CSMD1: variants seen among roughly 807,000 people sequenced by gnomAD.
CSMD1 encodes the protein CUB and sushi domain-containing protein 1.
Under a neutral mutation model 417.5 loss-of-function variants are expected in CSMD1, and 213 were observed. That is an observed-to-expected ratio of 0.51 (90% CI 0.46 to 0.57). The LOEUF (loss-of-function observed/expected upper bound fraction) is 0.57. Among genes scored for constraint, CSMD1 ranks in the 20% least tolerant of loss-of-function variants. The pLI, the probability that CSMD1 is intolerant of heterozygous loss-of-function variation, is 0.00. For missense variants in CSMD1, 6,923 were observed against 4,529.7 expected (o/e 1.53, Z -15.17); for synonymous variants, 2,862 against 1,736.8 (o/e 1.65, Z -16.11).
intron 23 of CSMD1, among the ~76,000 whole-genome samples, chr8:3,315,020 G>A (rs1805644155): frequency 6.6e-6 from 1 of 152,116 alleles, no homozygotes. Flanking sequence ...TTGAATCTCT[G>A]ATATATTTTC....
At position 4,481,891 on chromosome 8, in the gene CSMD1, G is replaced by A. The variant is rs1274167179; in HGVS notation, c.303-61826C>T. ...GGAAACTGTAGCACAATGAGATCAAGTAGCTTGATCAAAGTGACTTGAGGT... is the reference window on the plus strand; with the variant it reads ...GGAAACTGTAGCACAATGAGATCAAATAGCTTGATCAAAGTGACTTGAGGT... On this transcript the variant is annotated intron_variant, in intron 2 of 69. Coordinates refer to ENST00000635120, the MANE Select transcript of CSMD1 (RefSeq NM_033225.6). Among the ~76,000 whole-genome samples, 5 of 152,128 alleles carry A rather than the reference G, an allele frequency of 3.3e-5. No homozygotes were observed. The East Asian group carries it at 9.7e-4, about 29-fold the overall frequency.
intron 51 of CSMD1, among the ~76,000 whole-genome samples, chr8:3,025,066 AAAACTGTGTATTGTGTGGTGTTATTCTG>A (rs1809754975): frequency 8.6e-5 from 11 of 127,466 alleles, no homozygotes; most frequent in African/African-American, 2.8e-4. Flanking sequence ...GTGTTATTCT[AAAACTGTGTATTGTGTGGTGTTATTCTG>A]AAACTGTGTA....
At chr8:4,295,545 A>G (rs111612587) in intron 3 of CSMD1, among the ~76,000 whole-genome samples, 1 of 144,972 alleles carries the variant, frequency 6.9e-6, no homozygotes, top group Admixed American at 7.0e-5. Context: ...TTATAAATAT[A>G]TAATCTTAAG....
At chr8:3,851,168 TATG>T (rs763778707) in intron 5 of CSMD1, among the ~76,000 whole-genome samples, 4 of 152,206 alleles carry the variant, frequency 2.6e-5, no homozygotes, top group Non-Finnish European at 4.4e-5. Flanking sequence ...CAGGATATAT[TATG>T]ATATCAGTTT....
At chr8:3,110,965 A>G (rs919755033) in intron 42 of CSMD1, among the ~76,000 whole-genome samples, 4 of 152,228 alleles carry the variant, frequency 2.6e-5, no homozygotes, top group Admixed American at 1.3e-4. Context: ...TATTATTTTA[A>G]TGGCAATTAT....
intron 3 of CSMD1, among the ~76,000 whole-genome samples, chr8:4,085,240 C>A (rs1800358072): frequency 6.6e-6 from 1 of 152,088 alleles, no homozygotes; most frequent in African/African-American, 2.4e-5. Flanking sequence ...GATTTAGGGA[C>A]CCTGACAGAG....
intron 3 of CSMD1, among the ~76,000 whole-genome samples, chr8:4,261,508 T>G (rs1190772295): frequency 2.0e-5 from 3 of 152,216 alleles, no homozygotes; most frequent in Admixed American, 6.5e-5. Flanking sequence ...CTTTAGCTAG[T>G]AATACTGTTA....
chr8:4,841,833 C>G (rs927586651), intron 1 of CSMD1, among the ~76,000 whole-genome samples: 1 of 146,096 alleles, frequency 6.8e-6, no homozygotes, highest in Non-Finnish European at 1.5e-5. Flanking sequence ...ATCGCTTGAA[C>G]CTGGGAGGTG....
chr8:4,323,406 T>A lies in CSMD1; in HGVS notation c.415+96547A>T, dbSNP rs574390744. On this transcript the variant is annotated intron_variant, in intron 3 of 69. Coordinates refer to ENST00000635120, the MANE Select transcript of CSMD1 (RefSeq NM_033225.6). Reference sequence around the variant, plus strand: ...TGGCCTTCCTAATTTCACAGCCTTGTTCCATGTCTTCTTCACAGGTCACCC... The same window carrying A: ...TGGCCTTCCTAATTTCACAGCCTTGATCCATGTCTTCTTCACAGGTCACCC... Among the ~76,000 whole-genome samples the A allele has an allele frequency of 9.8e-4, 150 of 152,322 alleles. 1 individual carries two copies. Among genetic ancestry groups the A allele is most frequent in the African/African-American group, 3.6e-3 (148 of 41,578 alleles).
At chr8:4,500,950 T>C (rs1802230742) in intron 2 of CSMD1, among the ~76,000 whole-genome samples, 1 of 152,120 alleles carries the variant, frequency 6.6e-6, no homozygotes, top group Non-Finnish European at 1.5e-5. Context: ...AGTACCCTTG[T>C]TTTTGACCCT....
intron 2 of CSMD1, among the ~76,000 whole-genome samples, chr8:4,624,867 T>G (rs1302029419): frequency 6.6e-6 from 1 of 152,136 alleles, no homozygotes; most frequent in Non-Finnish European, 1.5e-5. Context: ...TACATTCGTT[T>G]CCATTCGGGG....
At chr8:3,015,584 T>A (rs1309090971) in intron 52 of CSMD1, among the ~76,000 whole-genome samples, 2 of 151,956 alleles carry the variant, frequency 1.3e-5, no homozygotes, top group African/African-American at 4.8e-5. Context: ...GGACCCAAAC[T>A]CACATGGCGT....
intron 2 of CSMD1, among the ~76,000 whole-genome samples, chr8:4,594,963 T>A (rs1296158406): frequency 6.6e-6 from 1 of 152,226 alleles, no homozygotes. Flanking sequence ...ATGTTTTTCA[T>A]ACTTGATGCC....
intron 10 of CSMD1, among the ~76,000 whole-genome samples, chr8:3,511,242 C>T (rs148405934): frequency 6.6e-6 from 1 of 151,524 alleles, no homozygotes; most frequent in African/African-American, 2.4e-5. Flanking sequence ...GGGTGAGAGG[C>T]TAGGGAATGA....
chr8:3,902,542 T>G (rs938306807), intron 5 of CSMD1, among the ~76,000 whole-genome samples: 12 of 152,062 alleles, frequency 7.9e-5, no homozygotes, highest in African/African-American at 2.7e-4. Flanking sequence ...CACAAGGAGC[T>G]CACAACCTAC....
chr8:4,793,308 G>C (rs926857095), intron 1 of CSMD1, among the ~76,000 whole-genome samples: 1 of 152,066 alleles, frequency 6.6e-6, no homozygotes, highest in Non-Finnish European at 1.5e-5. Context: ...TCTCTCAAAT[G>C]ATAACACAGA....
chr8:4,031,860 G>T (rs776121819), intron 4 of CSMD1, 45 bp downstream of exon 4: 112 of 1,431,154 alleles, frequency 7.8e-5, no homozygotes, highest in Non-Finnish European at 9.3e-5. Context: ...CAAAACCATT[G>T]CCCTGCCCTG....
intron 3 of CSMD1, among the ~76,000 whole-genome samples, chr8:4,246,925 A>G (rs1286174933): frequency 2.0e-5 from 3 of 152,222 alleles, no homozygotes; most frequent in African/African-American, 7.2e-5. Flanking sequence ...AAATCTTTGT[A>G]AGAGAGAATG....
intron 2 of CSMD1, among the ~76,000 whole-genome samples, chr8:4,602,762 A>G (rs1381131516): frequency 2.0e-5 from 3 of 152,156 alleles, no homozygotes; most frequent in Non-Finnish European, 4.4e-5. Flanking sequence ...AGAAAAATCT[A>G]TAATAAGCAT....
Sources: gnomAD v4.1 joint callset for allele counts (sites outside exome capture counted in the v4.1 genomes callset) on GRCh38, gnomAD v4.1.1 for gene constraint, MANE v1.5 for transcripts, NCBI Gene and HGNC (gene_info 2026-07-23, HGNC 2026-07-21) for gene names.